Variants in SNTG1 observed in about 807,000 individuals in gnomAD.
SNTG1 encodes gamma-1-syntrophin.
In SNTG1, 39 loss-of-function variants were observed where a neutral mutation model predicts 74.7. The observed-to-expected ratio is 0.52, with a 90% CI of 0.40 to 0.68. SNTG1 has a LOEUF of 0.68. Ranked by LOEUF, SNTG1 falls within the 30% of genes least tolerant of loss-of-function variation. The probability of loss-of-function intolerance (pLI) is 0.00; values close to 1 mark genes in which losing one functional copy is unlikely to be tolerated. For synonymous variants in SNTG1, 254 were observed against 217.1 expected (o/e 1.17, Z -1.49); for missense variants, 685 against 609.5 (o/e 1.12, Z -1.30).
At chr8:50,037,996 G>A (rs555828257) in intron 1 of SNTG1, among the ~76,000 whole-genome samples, 10 of 152,074 alleles carry the variant, frequency 6.6e-5, no homozygotes, top group African/African-American at 1.4e-4. Flanking sequence ...CCTTGCCCTC[G>A]CTTTTAATTA....
chr8:50,225,128 G>T (rs767759017), intron 2 of SNTG1, among the ~76,000 whole-genome samples: 1 of 151,900 alleles, frequency 6.6e-6, no homozygotes, highest in African/African-American at 2.4e-5. Context: ...CCACCACCAC[G>T]TCCAGCTAAT....
At chr8:50,334,565 AC>A (rs1405450405) in intron 2 of SNTG1, among the ~76,000 whole-genome samples, 2 of 151,790 alleles carry the variant, frequency 1.3e-5, no homozygotes, top group Non-Finnish European at 2.9e-5. Context: ...GGTTTTCACT[AC>A]TCATTTTACC....
At chr8:49,998,753 C>G (rs576251372) in intron 1 of SNTG1, among the ~76,000 whole-genome samples, 2 of 151,954 alleles carry the variant, frequency 1.3e-5, no homozygotes, top group African/African-American at 2.4e-5. Flanking sequence ...GATAATGATG[C>G]CTTCATCTGG....
chr8:50,442,051 G>A (rs888636915), intron 5 of SNTG1, among the ~76,000 whole-genome samples: 1 of 152,174 alleles, frequency 6.6e-6, no homozygotes, highest in Non-Finnish European at 1.5e-5. Flanking sequence ...AGCGCATGCT[G>A]CACATGGAAA....
chr8:50,443,673 T>C (rs1563394496), intron 5 of SNTG1, among the ~76,000 whole-genome samples: 1 of 152,194 alleles, frequency 6.6e-6, no homozygotes, highest in Non-Finnish European at 1.5e-5. Context: ...TCAATTGTTA[T>C]AAGCAGTAGA....
chr8:50,774,385 C>T (rs576713129), intron 18 of SNTG1, among the ~76,000 whole-genome samples: 11 of 151,650 alleles, frequency 7.3e-5, no homozygotes, highest in Non-Finnish European at 1.6e-4. Flanking sequence ...TGCAAAGAGT[C>T]GTTAATAAGA....
chr8:50,550,346 T>A (rs906506526), intron 11 of SNTG1, among the ~76,000 whole-genome samples: 1 of 152,174 alleles, frequency 6.6e-6, no homozygotes, highest in South Asian at 2.1e-4. Flanking sequence ...TCCTTGTGCA[T>A]GAAAGTACAT....
At chr8:49,911,268 T>G (rs918745079), upstream of SNTG1, 2 of 152,148 alleles carry the variant, frequency 1.3e-5, no homozygotes, top group African/African-American at 4.8e-5. Flanking sequence ...CTTATGTAAT[T>G]AAAGATCCAC....
intron 17 of SNTG1, among the ~76,000 whole-genome samples, chr8:50,736,086 C>G (rs1409055003): frequency 6.6e-6 from 1 of 152,058 alleles, no homozygotes; most frequent in Non-Finnish European, 1.5e-5. Flanking sequence ...GATTTTGTCA[C>G]CACCAGGCCT....
At chr8:50,338,887 G>T (rs2091235318) in intron 2 of SNTG1, among the ~76,000 whole-genome samples, 3 of 152,042 alleles carry the variant, frequency 2.0e-5, no homozygotes, top group Non-Finnish European at 2.9e-5. Context: ...TAATGGCTGA[G>T]AATTTTCCAA....
At chr8:50,485,457 C>G (rs1315907863) in intron 8 of SNTG1, among the ~76,000 whole-genome samples, 1 of 152,154 alleles carries the variant, frequency 6.6e-6, no homozygotes, top group African/African-American at 2.4e-5. Flanking sequence ...GCTTAGAAGT[C>G]TCTAGAACTT....
chr8:50,356,789 G>A (rs1295139044), intron 2 of SNTG1, among the ~76,000 whole-genome samples: 9 of 152,072 alleles, frequency 5.9e-5, no homozygotes, highest in African/African-American at 1.9e-4. Context: ...ATTTCAGAGG[G>A]TACCCATTCA....
At chr8:50,414,794 G>T (rs1436080683) in intron 4 of SNTG1, among the ~76,000 whole-genome samples, 1 of 151,932 alleles carries the variant, frequency 6.6e-6, no homozygotes, top group East Asian at 1.9e-4. Flanking sequence ...CAGATCTGAA[G>T]TGTACAGGCC....
chr8:50,128,174 C>A (rs1038134687), intron 1 of SNTG1, among the ~76,000 whole-genome samples: 4 of 152,102 alleles, frequency 2.6e-5, no homozygotes, highest in Admixed American at 2.6e-4. Context: ...TACAGAGAAA[C>A]TACTTGCTTA....
intron 15 of SNTG1, among the ~76,000 whole-genome samples, chr8:50,702,396 G>A (rs1399026600): frequency 6.6e-6 from 1 of 152,090 alleles, no homozygotes; most frequent in African/African-American, 2.4e-5. Flanking sequence ...GCATCTACTG[G>A]CAGCAAGGGT....
chr8:50,225,713 AT>A (rs1294217550), intron 2 of SNTG1, among the ~76,000 whole-genome samples: 1 of 152,174 alleles, frequency 6.6e-6, no homozygotes, highest in Non-Finnish European at 1.5e-5. Flanking sequence ...AATAGGGAGG[AT>A]TTTGAATATT....
chr8:50,103,202 T>C (rs1487136027), intron 1 of SNTG1, among the ~76,000 whole-genome samples: 1 of 152,208 alleles, frequency 6.6e-6, no homozygotes. Context: ...GCATGGAATG[T>C]TCTTCCATTT....
chr8:49,979,200 A>T (rs1812451066), intron 1 of SNTG1, among the ~76,000 whole-genome samples: 1 of 152,202 alleles, frequency 6.6e-6, no homozygotes, highest in Non-Finnish European at 1.5e-5. Context: ...CAATGGCGAG[A>T]CGCAGACGCC....
At chr8:50,624,240 A>G (rs2094942181) in intron 13 of SNTG1, among the ~76,000 whole-genome samples, 1 of 152,044 alleles carries the variant, frequency 6.6e-6, no homozygotes. Flanking sequence ...CTGACATTTA[A>G]TTCTAATGCC....
Sources: gnomAD v4.1 joint callset for allele counts (sites outside exome capture counted in the v4.1 genomes callset) on GRCh38, gnomAD v4.1.1 for gene constraint, MANE v1.5 for transcripts, NCBI Gene and HGNC (gene_info 2026-07-23, HGNC 2026-07-21) for gene names.